FARP1: variants seen among roughly 807,000 people sequenced by gnomAD.
FARP1 encodes FERM, ARH/RhoGEF and pleckstrin domain protein 1.
In FARP1, 52 loss-of-function variants were observed where a neutral mutation model predicts 128.8. That is an observed-to-expected ratio of 0.40 (90% CI 0.32 to 0.51). The LOEUF (loss-of-function observed/expected upper bound fraction) is 0.51, where lower values mean the gene tolerates loss of function less well. Ranked by LOEUF, FARP1 falls within the 20% of genes least tolerant of loss-of-function variation. FARP1 has a pLI of 0.45. For missense variants in FARP1, 1,333 were observed against 1,367.9 expected, an observed-to-expected ratio of 0.97 and a Z score of 0.40; for synonymous variants, 580 against 551.8, an observed-to-expected ratio of 1.05 and a Z score of -0.72.
intron 2 of FARP1, among the ~76,000 whole-genome samples, chr13:98,227,478 A>G (rs1881863758): frequency 1.3e-5 from 2 of 151,344 alleles, no homozygotes; most frequent in Admixed American, 1.3e-4. Flanking sequence ...GAAAAAAACG[A>G]GTACTGATGA....
chr13:98,226,619 C>T (rs915661771), intron 2 of FARP1, among the ~76,000 whole-genome samples: 2 of 152,156 alleles, frequency 1.3e-5, no homozygotes, highest in Non-Finnish European at 2.9e-5. Context: ...CTCATTTCCC[C>T]AGTTTTCTGC....
intron 1 of FARP1, among the ~76,000 whole-genome samples, chr13:98,162,382 T>G (rs1876948881): frequency 6.6e-6 from 1 of 152,170 alleles, no homozygotes; most frequent in East Asian, 1.9e-4. Context: ...CAGAAGAGAA[T>G]CTTTTCCTTG....
intron 1 of FARP1, among the ~76,000 whole-genome samples, chr13:98,201,143 G>C (rs1328626112): frequency 6.6e-6 from 1 of 152,144 alleles, no homozygotes; most frequent in Non-Finnish European, 1.5e-5. Context: ...TGGTGTTTTA[G>C]CAGGAAGAAA....
intron 2 of FARP1, among the ~76,000 whole-genome samples, chr13:98,326,320 C>G (rs1197613272): frequency 6.6e-6 from 1 of 152,090 alleles, no homozygotes; most frequent in African/African-American, 2.4e-5. Context: ...TTAAAAAAAC[C>G]CACCTACATA....
At chr13:98,229,333 A>G (rs551237753) in intron 2 of FARP1, among the ~76,000 whole-genome samples, 2 of 152,354 alleles carry the variant, frequency 1.3e-5, no homozygotes, top group African/African-American at 4.8e-5. Flanking sequence ...AAGAAATTTA[A>G]AAGTTATGTT....
At position 98,262,314 on chromosome 13, in the gene FARP1, C is replaced by T. The variant is rs547572441; in HGVS notation, c.171+48901C>T. Among the ~76,000 whole-genome samples, 7 of 152,090 alleles carry T rather than the reference C, an allele frequency of 4.6e-5. No homozygotes were observed. The East Asian group carries it at 1.2e-3, about 25-fold the overall frequency. On this transcript the variant is annotated intron_variant, in intron 2 of 26. Coordinates refer to ENST00000319562, the MANE Select transcript of FARP1 (RefSeq NM_005766.4). ...GGGATTACAGGCATGAGCCACTATG[C>T]CTGGCAATACTGCATTCTTTTATTT...
At chr13:98,319,135 G>T (rs905363297) in intron 2 of FARP1, among the ~76,000 whole-genome samples, 4 of 151,264 alleles carry the variant, frequency 2.6e-5, no homozygotes, top group Admixed American at 6.6e-5. Context: ...TCCAGTTTTT[G>T]TTTATTTTTT....
At chr13:98,195,120 A>G (rs964622413) in intron 1 of FARP1, among the ~76,000 whole-genome samples, 1 of 152,172 alleles carries the variant, frequency 6.6e-6, no homozygotes, top group African/African-American at 2.4e-5. Flanking sequence ...GGAAAGTGAA[A>G]TGATTTGAGT....
chr13:98,350,114 C>A (rs375994270), intron 3 of FARP1, among the ~76,000 whole-genome samples: 1 of 152,008 alleles, frequency 6.6e-6, no homozygotes, highest in African/African-American at 2.4e-5. Flanking sequence ...GGTTGTACAG[C>A]GGCTCGGTCA....
rs1167507339 is a variant in FARP1, at chr13:98,454,699, A to G, written c.*6382A>G. 1 of 152,202 alleles carries G rather than the reference A, an allele frequency of 6.6e-6. No homozygotes were observed. Among genetic ancestry groups the G allele is most frequent in the African/African-American group, 2.4e-5 (1 of 41,438 alleles). 9.4% of individuals were successfully genotyped at this position (152,202 alleles called of 1,614,324 possible). On this transcript the variant is annotated 3_prime_UTR_variant, in exon 27 of 27. Coordinates refer to ENST00000319562, the MANE Select transcript of FARP1 (RefSeq NM_005766.4). ...CCACTGAAACAACATGTTTGGAGCA[A>G]AACTGGCAGGAAGTCTAAGCCATGG...
At chr13:98,286,176 G>A (rs1257779649) in intron 2 of FARP1, among the ~76,000 whole-genome samples, 1 of 152,120 alleles carries the variant, frequency 6.6e-6, no homozygotes, top group Non-Finnish European at 1.5e-5. Context: ...CTCGTCTCTT[G>A]TAGCCAAGCA....
At chr13:98,442,031 C>G (rs1312333226) in intron 24 of FARP1, among the ~76,000 whole-genome samples, 4 of 152,348 alleles carry the variant, frequency 2.6e-5, no homozygotes, top group Admixed American at 2.6e-4. Flanking sequence ...CTTCATCTCT[C>G]ACTGGCAGTG....
chr13:98,155,502 G>C (rs1436286076), intron 1 of FARP1, among the ~76,000 whole-genome samples: 3 of 152,066 alleles, frequency 2.0e-5, no homozygotes, highest in Admixed American at 6.6e-5. Flanking sequence ...CAAAACTGCT[G>C]TGGTTTTTTT....
chr13:98,236,505 A>C (rs1425486159), intron 2 of FARP1, among the ~76,000 whole-genome samples: 2 of 152,204 alleles, frequency 1.3e-5, no homozygotes, highest in Non-Finnish European at 2.9e-5. Context: ...GTCCAATGTT[A>C]TGCAGAGTTT....
chr13:98,157,095 A>G (rs1173214423), intron 1 of FARP1, among the ~76,000 whole-genome samples: 1 of 152,206 alleles, frequency 6.6e-6, no homozygotes, highest in Non-Finnish European at 1.5e-5. Flanking sequence ...GCCTCTTTAT[A>G]GAGATTTTAG....
At chr13:98,230,112 C>G (rs1882029647) in intron 2 of FARP1, among the ~76,000 whole-genome samples, 1 of 152,128 alleles carries the variant, frequency 6.6e-6, no homozygotes, top group South Asian at 2.1e-4. Flanking sequence ...CACTCCCCTC[C>G]CCTCACCCAA....
chr13:98,145,004 A>G (rs574516141), intron 1 of FARP1, among the ~76,000 whole-genome samples: 1 of 152,334 alleles, frequency 6.6e-6, no homozygotes, highest in African/African-American at 2.4e-5. Context: ...AGGCATCAAT[A>G]TTGGAGTTAC....
intron 1 of FARP1, among the ~76,000 whole-genome samples, chr13:98,185,260 A>C (rs1050122681): frequency 6.6e-6 from 1 of 152,208 alleles, no homozygotes; most frequent in African/African-American, 2.4e-5. Context: ...TGAAAATTTA[A>C]CAGCAGGTCC....
At chr13:98,321,378 C>T (rs1352118554) in intron 2 of FARP1, among the ~76,000 whole-genome samples, 4 of 152,112 alleles carry the variant, frequency 2.6e-5, no homozygotes, top group African/African-American at 7.2e-5. Context: ...CATATCAAAG[C>T]GTGAAGTTAA....
Sources: gnomAD v4.1 joint callset for allele counts (sites outside exome capture counted in the v4.1 genomes callset) on GRCh38, gnomAD v4.1.1 for gene constraint, MANE v1.5 for transcripts, NCBI Gene and HGNC (gene_info 2026-07-23, HGNC 2026-07-21) for gene names.